The following ARHGAP44 variants were observed in gnomAD, a reference collection of about 807,000 sequenced individuals.
The protein encoded by ARHGAP44 is rho GTPase-activating protein 44.
ARHGAP44 carries 43 observed loss-of-function variants against 106.8 expected under a neutral mutation model. The ratio of observed to expected loss-of-function variants is 0.40; its 90% CI spans 0.32 to 0.52. ARHGAP44 has a LOEUF of 0.52. Among genes scored for constraint, ARHGAP44 ranks in the 20% least tolerant of loss-of-function variants. ARHGAP44 has a pLI of 0.48. For synonymous variants in ARHGAP44, 439 were observed against 410.3 expected, an observed-to-expected ratio of 1.07 and a Z score of -0.85; for missense variants, 866 against 1,050.5, an observed-to-expected ratio of 0.82 and a Z score of 2.43.
intron 19 of ARHGAP44, 43 bp from the exon 20 acceptor site, chr17:12,984,488 A>C (rs773704143): frequency 1.8e-5 from 27 of 1,500,430 alleles, no homozygotes; most frequent in Non-Finnish European, 2.1e-5. Context: ...GGCTTCATTC[A>C]ACAACTTTGT....
chr17:12,974,420 C>T, intron 18 of ARHGAP44, 110 bp downstream of exon 18: 2 of 946,466 alleles, frequency 2.1e-6, no homozygotes, highest in Non-Finnish European at 2.9e-6. Flanking sequence ...GCCCCCGCCC[C>T]CATTTCTAAG....
At chr17:12,944,936 GA>G (rs1251027598) in intron 10 of ARHGAP44, among the ~76,000 whole-genome samples, 1 of 151,898 alleles carries the variant, frequency 6.6e-6, no homozygotes, top group African/African-American at 2.4e-5. Context: ...CTCTTATAGA[GA>G]TCCTGAAAAT....
At chr17:12,981,390 T>C (rs1475672807) in intron 19 of ARHGAP44, among the ~76,000 whole-genome samples, 2 of 144,662 alleles carry the variant, frequency 1.4e-5, no homozygotes, top group East Asian at 4.8e-4. Context: ...TGCCATATTC[T>C]TGGTTATGTC....
chr17:12,845,105 C>T (rs867142687), intron 1 of ARHGAP44, among the ~76,000 whole-genome samples: 1 of 152,180 alleles, frequency 6.6e-6, no homozygotes, highest in African/African-American at 2.4e-5. Flanking sequence ...CCTGAACACC[C>T]TCCTATTCCC....
At chr17:12,844,376 A>G (rs538275448) in intron 1 of ARHGAP44, among the ~76,000 whole-genome samples, 33 of 152,312 alleles carry the variant, frequency 2.2e-4, no homozygotes, top group Non-Finnish European at 3.8e-4. Context: ...GGCTGCACTC[A>G]CAATATAGCA....
At chr17:12,934,746 C>G (rs1235220498) in intron 7 of ARHGAP44, among the ~76,000 whole-genome samples, 3 of 152,056 alleles carry the variant, frequency 2.0e-5, no homozygotes, top group Non-Finnish European at 4.4e-5. Context: ...TGTCAAAGCC[C>G]CTAGAATATA....
At chr17:12,911,283 A>T (rs2037730200) in intron 4 of ARHGAP44, among the ~76,000 whole-genome samples, 1 of 151,976 alleles carries the variant, frequency 6.6e-6, no homozygotes, top group South Asian at 2.1e-4. Flanking sequence ...CATGCATCTG[A>T]TTTTCTCTCC....
chr17:12,858,115 A>G (rs1183204655), intron 1 of ARHGAP44, among the ~76,000 whole-genome samples: 2 of 152,214 alleles, frequency 1.3e-5, no homozygotes, highest in East Asian at 1.9e-4. Flanking sequence ...CCAAGTCTGT[A>G]GTAAGCCTTT....
At chr17:12,921,478 C>G (rs1180282910) in intron 6 of ARHGAP44, among the ~76,000 whole-genome samples, 1 of 152,142 alleles carries the variant, frequency 6.6e-6, no homozygotes, top group Non-Finnish European at 1.5e-5. Flanking sequence ...TCCCAAGTAG[C>G]TGGGACTACA....
intron 8 of ARHGAP44, among the ~76,000 whole-genome samples, chr17:12,943,308 G>A (rs915769129): frequency 6.6e-6 from 1 of 152,206 alleles, no homozygotes; most frequent in African/African-American, 2.4e-5. Context: ...AGGAAGAAGG[G>A]TGGTGATAAA....
chr17:12,938,582 T>TTAAAAAAAA (rs376200698), intron 7 of ARHGAP44, among the ~76,000 whole-genome samples: 1 of 127,008 alleles, frequency 7.9e-6, no homozygotes, highest in Non-Finnish European at 1.7e-5. Flanking sequence ...AGCTATATAT[T>TTAAAAAAAA]AAAAAAAAAA....
intron 1 of ARHGAP44, among the ~76,000 whole-genome samples, chr17:12,845,883 A>G (rs2035556386): frequency 6.6e-6 from 1 of 152,236 alleles, no homozygotes; most frequent in African/African-American, 2.4e-5. Context: ...TGGAATACCT[A>G]TTCTGGGTAA....
chr17:12,944,217 A>G, intron 10 of ARHGAP44, 21 bp downstream of exon 10: 1 of 1,579,576 alleles, frequency 6.3e-7, no homozygotes, highest in Admixed American at 1.7e-5. Context: ...GCACAGCCAC[A>G]CGCCGCCCCG....
chr17:12,907,874 T>C lies in ARHGAP44; in HGVS notation c.199-1023T>C, dbSNP rs1045597195. ...CCATGTGATAATTCTGCTTAACTTA[T>C]TGAGATACTAAGTACACCTTCACAG... On this transcript the variant is annotated intron_variant, in intron 3 of 20. Coordinates refer to ENST00000379672, the MANE Select transcript of ARHGAP44 (RefSeq NM_014859.6). Among the ~76,000 whole-genome samples, 10 of 152,310 alleles carry C rather than the reference T, an allele frequency of 6.6e-5. No homozygotes were observed. In the East Asian group the frequency reaches 7.7e-4, roughly 12 times the overall value.
chr17:12,870,023 AT>A (rs2150880735), intron 1 of ARHGAP44, among the ~76,000 whole-genome samples: 1 of 144,518 alleles, frequency 6.9e-6, no homozygotes, highest in East Asian at 2.0e-4. Flanking sequence ...TCCATCCTCA[AT>A]TATTTCTTGT....
intron 1 of ARHGAP44, among the ~76,000 whole-genome samples, chr17:12,881,475 A>AT (rs1251307329): frequency 5.9e-5 from 9 of 151,704 alleles, no homozygotes; most frequent in East Asian, 1.9e-4. Context: ...TTTATCTGTC[A>AT]TTTTTTTCCA....
At chr17:12,943,738 T>C in intron 9 of ARHGAP44, 69 bp downstream of exon 9, 3 of 1,435,668 alleles carry the variant, frequency 2.1e-6, no homozygotes, top group Non-Finnish European at 2.9e-6. Flanking sequence ...TGAGATGAAT[T>C]CCTTGTATGT....
intron 18 of ARHGAP44, among the ~76,000 whole-genome samples, chr17:12,977,379 C>T (rs371113159): frequency 1.3e-5 from 2 of 152,190 alleles, no homozygotes; most frequent in African/African-American, 4.8e-5. Flanking sequence ...TTCTGGCTCC[C>T]CCTCCCCTGA....
intron 1 of ARHGAP44, among the ~76,000 whole-genome samples, chr17:12,854,872 C>T (rs561976136): frequency 5.3e-5 from 8 of 150,390 alleles, no homozygotes; most frequent in African/African-American, 1.2e-4. Flanking sequence ...GCCGCAGAAT[C>T]GCTTGAACCC....
Sources: gnomAD v4.1 joint callset for allele counts (sites outside exome capture counted in the v4.1 genomes callset) on GRCh38, gnomAD v4.1.1 for gene constraint, MANE v1.5 for transcripts, NCBI Gene and HGNC (gene_info 2026-07-23, HGNC 2026-07-21) for gene names.